Variants in KIF5C observed in about 807,000 individuals in gnomAD.
KIF5C encodes kinesin family member 5C.
In KIF5C, 18 loss-of-function variants were observed where a neutral mutation model predicts 125.2. The ratio of observed to expected loss-of-function variants is 0.14; its 90% CI spans 0.10 to 0.21. The LOEUF (loss-of-function observed/expected upper bound fraction) is 0.21, where lower values mean the gene tolerates loss of function less well. KIF5C is among the 10% of genes least tolerant of loss of function. The pLI, the probability that KIF5C is intolerant of heterozygous loss-of-function variation, is 1.00. For missense variants in KIF5C, 780 were observed against 1,183.8 expected, an observed-to-expected ratio of 0.66 and a Z score of 5.01; for synonymous variants, 405 against 434.0, an observed-to-expected ratio of 0.93 and a Z score of 0.83.
intron 1 of KIF5C, among the ~76,000 whole-genome samples, chr2:148,913,664 A>G (rs192555493): frequency 4.0e-4 from 61 of 152,306 alleles, no homozygotes; most frequent in African/African-American, 1.3e-3. Flanking sequence ...CAGCGCCATC[A>G]TGAGACTCAG....
intron 17 of KIF5C, 100 bp downstream of exon 17, chr2:148,994,638 A>G: frequency 7.3e-7 from 1 of 1,373,294 alleles, no homozygotes; most frequent in Admixed American, 3.0e-5. Context: ...CAGTTAAAGC[A>G]TTTCTAGGTC....
At chr2:148,950,821 A>G (rs567282669) in intron 10 of KIF5C, among the ~76,000 whole-genome samples, 20 of 150,710 alleles carry the variant, frequency 1.3e-4, no homozygotes, top group African/African-American at 4.9e-4. Flanking sequence ...AAAAAAAAAA[A>G]GAATAGTGAG....
chr2:148,968,497 A>G (rs1024233247), intron 11 of KIF5C, among the ~76,000 whole-genome samples: 1 of 152,134 alleles, frequency 6.6e-6, no homozygotes, highest in African/African-American at 2.4e-5. Flanking sequence ...AGAAATTAGC[A>G]TTTCATTGGA....
intron 23 of KIF5C, among the ~76,000 whole-genome samples, chr2:149,008,812 C>T (rs1390287594): frequency 2.0e-5 from 3 of 152,008 alleles, no homozygotes; most frequent in African/African-American, 4.8e-5. Context: ...AAGTCTTCTT[C>T]AATATTACTG....
At chr2:148,998,653 G>T (rs1243232478) in intron 19 of KIF5C, 144 bp downstream of exon 19, 1 of 1,344,790 alleles carries the variant, frequency 7.4e-7, no homozygotes, top group African/African-American at 1.5e-5. Flanking sequence ...AGGCTGGGCG[G>T]GCTGCTTCCA....
chr2:148,936,968 C>G (rs1421358174), intron 3 of KIF5C, among the ~76,000 whole-genome samples: 2 of 152,186 alleles, frequency 1.3e-5, no homozygotes, highest in Non-Finnish European at 2.9e-5. Context: ...CCTTTTCCTC[C>G]TCCTCCTCAC....
chr2:148,897,304 C>T (rs1173738427), intron 1 of KIF5C, among the ~76,000 whole-genome samples: 2 of 152,138 alleles, frequency 1.3e-5, no homozygotes, highest in Non-Finnish European at 2.9e-5. Flanking sequence ...TTATGATCTA[C>T]TAAGTTTAAT....
At chr2:148,929,849 T>C (rs1309047017) in intron 3 of KIF5C, among the ~76,000 whole-genome samples, 1 of 152,060 alleles carries the variant, frequency 6.6e-6, no homozygotes, top group African/African-American at 2.4e-5. Flanking sequence ...ATGTTAAAAA[T>C]TGGATGATTT....
In KIF5C at chr2:149,025,035, G is replaced by A. The variant is rs1682649743; in HGVS notation, c.*1965G>A. The A allele has an allele frequency of 6.6e-6, 1 of 152,322 alleles. No individual in the cohort carries two copies. Among genetic ancestry groups the A allele is most frequent in the African/African-American group, 2.4e-5 (1 of 41,462 alleles). The allele number at this position is 152,322 out of a possible 1,614,324, so 9.4% of individuals were successfully genotyped here. On this transcript the variant is annotated 3_prime_UTR_variant, in exon 26 of 26. Transcript: ENST00000435030. ...TTGTTTGGAAATTGAACAAAGGTCAGTAATGGTTTTTGGCTCTTGTTAATA... is the reference window on the plus strand; with the variant it reads ...TTGTTTGGAAATTGAACAAAGGTCAATAATGGTTTTTGGCTCTTGTTAATA...
chr2:148,932,905 G>T (rs1682211805), intron 3 of KIF5C, among the ~76,000 whole-genome samples: 1 of 152,154 alleles, frequency 6.6e-6, no homozygotes, highest in African/African-American at 2.4e-5. Context: ...GTCTTGTTTG[G>T]TGGCTGGTGG....
chr2:148,919,364 G>C (rs144036463), intron 1 of KIF5C, among the ~76,000 whole-genome samples: 8 of 152,306 alleles, frequency 5.3e-5, no homozygotes, highest in African/African-American at 1.9e-4. Flanking sequence ...TCTCCAGAAG[G>C]AGTGACTGGT....
At chr2:149,002,967 G>A (rs919176642) in intron 21 of KIF5C, among the ~76,000 whole-genome samples, 1 of 151,984 alleles carries the variant, frequency 6.6e-6, no homozygotes, top group Admixed American at 6.6e-5. Context: ...TCTCTCCCAC[G>A]CTGGGCGCGG....
chr2:148,973,560 A>G lies in KIF5C; in HGVS notation c.1293+49A>G, dbSNP rs780846730. On this transcript the variant is annotated intron_variant, in intron 12 of 25. Coordinates refer to ENST00000435030, the MANE Select transcript of KIF5C (RefSeq NM_004522.3). ...TCTCATTCTGCTACAAAGATGAAAG[A>G]TGGCAGGTCCCAGCTCCCTATGGGG... 54 of 1,539,616 alleles carry G rather than the reference A, an allele frequency of 3.5e-5. No homozygotes were observed. The African/African-American group carries it at 4.7e-4, about 13-fold the overall frequency.
At chr2:148,910,614 C>T (rs185784627) in intron 1 of KIF5C, among the ~76,000 whole-genome samples, 18 of 152,250 alleles carry the variant, frequency 1.2e-4, no homozygotes, top group African/African-American at 4.1e-4. Context: ...TAGAGGGAAT[C>T]GTCAGAGCAG....
rs1682315025 is a variant in KIF5C, at chr2:148,937,496, A to G, written c.396+108A>G. The G allele has an allele frequency of 2.8e-6, 4 of 1,422,154 alleles. No individual in the cohort carries two copies. In the South Asian group the frequency reaches 6.0e-5, roughly 21 times the overall value. The allele number at this position is 1,422,154 out of a possible 1,614,324, so 88.1% of individuals were successfully genotyped here. On this transcript the variant is annotated intron_variant, in intron 4 of 25. Transcript: ENST00000435030. ...AAAGATGATCCTACTAATTTAAATGACATTCTTGTGGTAAGCAGAGCCCTC... is the reference window on the plus strand; with the variant it reads ...AAAGATGATCCTACTAATTTAAATGGCATTCTTGTGGTAAGCAGAGCCCTC...
chr2:148,963,197 G>GGT (rs1682971190), intron 11 of KIF5C, among the ~76,000 whole-genome samples: 1 of 151,596 alleles, frequency 6.6e-6, no homozygotes, highest in East Asian at 1.9e-4. Context: ...AAGGCAGGTT[G>GGT]GTGTGTGTGT....
Position 148,916,444 on chromosome 2 carries a change from G to A in KIF5C, c.127-5693G>A, listed in dbSNP as rs201323579. Among the ~76,000 whole-genome samples, 8 of 152,324 alleles carry A rather than the reference G, an allele frequency of 5.3e-5. No individual in the cohort carries two copies. The East Asian group carries it at 1.4e-3, about 26-fold the overall frequency. On this transcript the variant is annotated intron_variant, in intron 1 of 25. Transcript: ENST00000435030. ...CTGTGCTCTGTGGAGCTGAGCTCAGGAGTCACAGGCCTGGGGACCTGGAGG... is the reference window on the plus strand; with the variant it reads ...CTGTGCTCTGTGGAGCTGAGCTCAGAAGTCACAGGCCTGGGGACCTGGAGG...
intron 3 of KIF5C, among the ~76,000 whole-genome samples, chr2:148,935,349 C>A (rs1682270510): frequency 6.6e-6 from 1 of 152,144 alleles, no homozygotes; most frequent in South Asian, 2.1e-4. Flanking sequence ...TCTTCTCTGG[C>A]TGTGGGCTAC....
chr2:148,978,536 T>A (rs571354931), intron 12 of KIF5C, among the ~76,000 whole-genome samples: 7 of 152,066 alleles, frequency 4.6e-5, no homozygotes, highest in Non-Finnish European at 8.8e-5. Flanking sequence ...TAATAACATA[T>A]GACAGTGCAG....
Sources: allele counts gnomAD v4.1 joint callset (sites outside exome capture counted in the v4.1 genomes callset), GRCh38; gene constraint gnomAD v4.1.1; transcripts MANE v1.5; gene names NCBI Gene and HGNC (gene_info 2026-07-23, HGNC 2026-07-21).